RARB: variants seen among roughly 807,000 people sequenced by gnomAD.
RARB encodes HBV-activated protein.
Under a neutral mutation model 51.9 loss-of-function variants are expected in RARB, and 17 were observed. That is an observed-to-expected ratio of 0.33 (90% CI 0.22 to 0.49). The LOEUF (loss-of-function observed/expected upper bound fraction) is 0.49, where lower values mean the gene tolerates loss of function less well. Ranked by LOEUF, RARB falls within the 20% of genes least tolerant of loss-of-function variation. The pLI, the probability that RARB is intolerant of heterozygous loss-of-function variation, is 0.99. For synonymous variants in RARB, 215 were observed against 195.4 expected, an observed-to-expected ratio of 1.10 and a Z score of -0.84; for missense variants, 369 against 550.8, an observed-to-expected ratio of 0.67 and a Z score of 3.30.
chr3:25,531,076 C>CCT (rs1262801466), intron 3 of RARB, among the ~76,000 whole-genome samples: 2 of 152,072 alleles, frequency 1.3e-5, no homozygotes, highest in African/African-American at 4.8e-5. Flanking sequence ...TAAAGATAGC[C>CCT]AATGAAGAGT....
At chr3:25,008,320 C>A (rs1473615588) in intron 2 of RARB, among the ~76,000 whole-genome samples, 6 of 152,120 alleles carry the variant, frequency 3.9e-5, no homozygotes, top group Non-Finnish European at 8.8e-5. Context: ...CCTATTTACC[C>A]ATTTCCTCTT....
intron 3 of RARB, among the ~76,000 whole-genome samples, chr3:25,081,863 C>T (rs2125313313): frequency 6.6e-6 from 1 of 151,410 alleles, no homozygotes; most frequent in South Asian, 2.1e-4. Context: ...GAACTCCTGA[C>T]CTCAGGTGAT....
Position 24,871,390 on chromosome 3 carries a change from C to T in RARB, c.-380+12638C>T, listed in dbSNP as rs570996689. ...TTAGCTATCAACCTCTGACAAACGT[C>T]GTTAGTCCTTCTTGACACAATTTTC... On this transcript the variant is annotated intron_variant, in intron 2 of 11. Coordinates refer to the RARB transcript ENST00000383772. Among the ~76,000 whole-genome samples the T allele has an allele frequency of 8.1e-4, 123 of 152,290 alleles. 4 individuals carry two copies. In the South Asian group the frequency reaches 0.02, roughly 25 times the overall value.
chr3:24,906,194 G>T (rs1295947249), intron 2 of RARB, among the ~76,000 whole-genome samples: 2 of 152,160 alleles, frequency 1.3e-5, no homozygotes, highest in Non-Finnish European at 2.9e-5. Context: ...TAGAAAGCTT[G>T]CTGTAGCTAG....
intron 5 of RARB, among the ~76,000 whole-genome samples, chr3:25,213,288 T>C (rs1281023776): frequency 2.0e-5 from 3 of 152,192 alleles, no homozygotes; most frequent in African/African-American, 4.8e-5. Flanking sequence ...AGCTTTCTTT[T>C]GTACACTACA....
intron 3 of RARB, among the ~76,000 whole-genome samples, chr3:25,113,550 G>A (rs62230293): frequency 1.3e-5 from 2 of 152,030 alleles, no homozygotes; most frequent in Non-Finnish European, 2.9e-5. Flanking sequence ...TTCCTTTTCT[G>A]TACAGCTTCC....
intron 2 of RARB, among the ~76,000 whole-genome samples, chr3:24,996,207 C>G (rs1458755974): frequency 6.6e-6 from 1 of 151,882 alleles, no homozygotes; most frequent in African/African-American, 2.4e-5. Flanking sequence ...TGTCCAGAAA[C>G]TTATTTATTT....
chr3:25,365,867 A>T (rs990961530), intron 5 of RARB, among the ~76,000 whole-genome samples: 5 of 152,196 alleles, frequency 3.3e-5, no homozygotes, highest in Non-Finnish European at 7.3e-5. Context: ...TTGTGACCTA[A>T]TGTCAGCAAT....
intron 3 of RARB, among the ~76,000 whole-genome samples, chr3:25,568,038 C>T (rs936592403): frequency 5.3e-5 from 8 of 152,162 alleles, no homozygotes; most frequent in South Asian, 4.1e-4. Context: ...CAGCGTCCTG[C>T]GCCGGCTGGG....
chr3:25,548,286 A>T (rs1699701535), intron 3 of RARB, among the ~76,000 whole-genome samples: 1 of 152,114 alleles, frequency 6.6e-6, no homozygotes, highest in African/African-American at 2.4e-5. Context: ...CTCCAGATTG[A>T]TTTTTATTAC....
chr3:24,962,634 T>C lies in RARB; in HGVS notation c.-379-97491T>C, dbSNP rs551992745. On this transcript the variant is annotated intron_variant, in intron 2 of 11. Coordinates refer to the RARB transcript ENST00000383772. ...GATCAGTGGTGGCATTCGATTCTCATAGGAGCACAAACCCTATCATGAGCT... is the reference window on the plus strand; with the variant it reads ...GATCAGTGGTGGCATTCGATTCTCACAGGAGCACAAACCCTATCATGAGCT... 1.3e-3 allele frequency among the ~76,000 whole-genome samples: 193 copies of C among 152,242 alleles called. 1 individual carries two copies. Among genetic ancestry groups the C allele is most frequent in the African/African-American group, 4.4e-3 (183 of 41,542 alleles).
intron 5 of RARB, among the ~76,000 whole-genome samples, chr3:25,269,369 G>A (rs1176792685): frequency 1.3e-5 from 2 of 152,306 alleles, no homozygotes; most frequent in East Asian, 3.9e-4. Flanking sequence ...ATCCATCATT[G>A]AGAGGTAGGA....
chr3:25,001,419 G>T (rs1460647505), intron 2 of RARB, among the ~76,000 whole-genome samples: 1 of 152,118 alleles, frequency 6.6e-6, no homozygotes. Flanking sequence ...AAGCCACTCA[G>T]CAGAGTAGCA....
At chr3:24,983,445 C>T (rs1696719606) in intron 2 of RARB, among the ~76,000 whole-genome samples, 1 of 151,978 alleles carries the variant, frequency 6.6e-6, no homozygotes, top group Admixed American at 6.5e-5. Context: ...TATACATGTG[C>T]CATGGTGGTT....
intron 3 of RARB, among the ~76,000 whole-genome samples, chr3:25,515,400 G>C (rs1011049808): frequency 5.9e-5 from 9 of 152,112 alleles, no homozygotes; most frequent in Non-Finnish European, 1.2e-4. Flanking sequence ...CAATATGACT[G>C]AGTGGTTATA....
At chr3:25,411,181 T>C (rs1020180630) in intron 5 of RARB, among the ~76,000 whole-genome samples, 1 of 152,230 alleles carries the variant, frequency 6.6e-6, no homozygotes, top group Admixed American at 6.5e-5. Context: ...TATAATAGTT[T>C]ATGTTTTAAC....
intron 5 of RARB, among the ~76,000 whole-genome samples, chr3:25,291,402 G>C (rs139835752): frequency 6.6e-6 from 1 of 151,108 alleles, no homozygotes; most frequent in Non-Finnish European, 1.5e-5. Flanking sequence ...CTGTAAAAAT[G>C]CTTGCCCTAA....
chr3:25,200,193 C>A (rs540271864), intron 5 of RARB, among the ~76,000 whole-genome samples: 1 of 152,082 alleles, frequency 6.6e-6, no homozygotes, highest in African/African-American at 2.4e-5. Flanking sequence ...TCTCTGATGG[C>A]CAGTGATGAT....
At chr3:25,072,541 C>G (rs17015760) in intron 3 of RARB, among the ~76,000 whole-genome samples, 26,786 of 151,960 alleles carry the variant, frequency 0.18, 2,899 homozygotes, top group African/African-American at 0.29. Flanking sequence ...ACACAAGATT[C>G]CCATACTATT....
Sources: gnomAD v4.1 joint callset for allele counts (sites outside exome capture counted in the v4.1 genomes callset) on GRCh38, gnomAD v4.1.1 for gene constraint, MANE v1.5 for transcripts, NCBI Gene and HGNC (gene_info 2026-07-23, HGNC 2026-07-21) for gene names.